The following VIT variants were observed in gnomAD, a reference collection of about 807,000 sequenced individuals.
VIT encodes vitrin.
In VIT, 99 loss-of-function variants were observed where a neutral mutation model predicts 78.0. The observed-to-expected ratio is 1.27, with a 90% CI of 1.08 to 1.50. The LOEUF (loss-of-function observed/expected upper bound fraction) is 1.50, where lower values mean the gene tolerates loss of function less well. Among genes scored for constraint, VIT ranks in the 40% most tolerant of loss-of-function variants. The pLI is 0.00. For missense variants in VIT, 1,126 were observed against 875.3 expected (o/e 1.29, Z -3.61); for synonymous variants, 374 against 334.3 (o/e 1.12, Z -1.29).
intron 14 of VIT, among the ~76,000 whole-genome samples, chr2:36,807,184 G>A (rs1666792847): frequency 6.6e-6 from 1 of 152,104 alleles, no homozygotes; most frequent in Admixed American, 6.5e-5. Flanking sequence ...GGTTAGTTTA[G>A]ATTTCACAAT....
chr2:36,791,328 G>A lies in VIT; in HGVS notation c.1058+4052G>A, dbSNP rs74484729. Among the ~76,000 whole-genome samples the A allele has an allele frequency of 1.3e-3, 195 of 152,292 alleles. 1 individual carries two copies. Among genetic ancestry groups the A allele is most frequent in the African/African-American group, 4.5e-3 (187 of 41,558 alleles). ...CTGGGCAGAGCAGCTTCCATAGGTC[G>A]GCTGAGCCACCTAATGCAGGACAGT... On this transcript the variant is annotated intron_variant, in intron 12 of 15. Transcript: ENST00000379242.
At chr2:36,725,549 AAT>A (rs1337754257) in intron 2 of VIT, among the ~76,000 whole-genome samples, 1 of 122,418 alleles carries the variant, frequency 8.2e-6, no homozygotes, top group East Asian at 2.6e-4. Flanking sequence ...TCCACTTTCT[AAT>A]ATCATCACAC....
chr2:36,747,573 T>C (rs1346418691), intron 4 of VIT, among the ~76,000 whole-genome samples: 1 of 152,110 alleles, frequency 6.6e-6, no homozygotes, highest in Non-Finnish European at 1.5e-5. Flanking sequence ...CTGTTGTTGG[T>C]TTAAAATCTG....
At chr2:36,803,161 A>T (rs761083105) in intron 13 of VIT, among the ~76,000 whole-genome samples, 2 of 152,044 alleles carry the variant, frequency 1.3e-5, no homozygotes, top group Non-Finnish European at 2.9e-5. Context: ...GCCGCCCCAA[A>T]CCACTGCAGC....
At chr2:36,706,308 A>G (rs1207876450) in intron 1 of VIT, among the ~76,000 whole-genome samples, 1 of 152,212 alleles carries the variant, frequency 6.6e-6, no homozygotes, top group Non-Finnish European at 1.5e-5. Flanking sequence ...TCAGGGGAAC[A>G]GGACATAACT....
intron 5 of VIT, among the ~76,000 whole-genome samples, chr2:36,755,723 G>T (rs1668719910): frequency 6.6e-6 from 1 of 152,056 alleles, no homozygotes; most frequent in Admixed American, 6.6e-5. Context: ...TTCTAATTCT[G>T]TCATTCCTTC....
intron 6 of VIT, among the ~76,000 whole-genome samples, chr2:36,762,590 A>G (rs1669191537): frequency 6.6e-6 from 1 of 152,190 alleles, no homozygotes; most frequent in Non-Finnish European, 1.5e-5. Context: ...CAAATAAAAA[A>G]TTTCAATGAG....
chr2:36,810,058 G>A (rs1213168594), intron 15 of VIT, among the ~76,000 whole-genome samples: 1 of 150,770 alleles, frequency 6.6e-6, no homozygotes, highest in Non-Finnish European at 1.5e-5. Flanking sequence ...TTGGGAGGCT[G>A]AGGCGGGCGG....
At chr2:36,722,562 T>C (rs1666579783) in intron 2 of VIT, among the ~76,000 whole-genome samples, 1 of 152,246 alleles carries the variant, frequency 6.6e-6, no homozygotes, top group African/African-American at 2.4e-5. Context: ...AAACCTGAAC[T>C]ATGTTTAAAG....
intron 5 of VIT, among the ~76,000 whole-genome samples, chr2:36,757,817 T>C (rs907831112): frequency 6.6e-6 from 1 of 152,242 alleles, no homozygotes; most frequent in African/African-American, 2.4e-5. Flanking sequence ...TCATTATTCC[T>C]GTTTTGTGAA....
intron 6 of VIT, among the ~76,000 whole-genome samples, chr2:36,764,030 C>T (rs922911218): frequency 6.6e-6 from 1 of 152,266 alleles, no homozygotes; most frequent in African/African-American, 2.4e-5. Context: ...CCCTCAGGAT[C>T]TTCAGCCTTT....
chr2:36,749,679 A>G (rs1404920780), intron 4 of VIT, among the ~76,000 whole-genome samples: 1 of 152,214 alleles, frequency 6.6e-6, no homozygotes, highest in Non-Finnish European at 1.5e-5. Context: ...TGACTGCAGC[A>G]CCTGTACTCC....
At chr2:36,786,167 C>CT (rs148190765) in intron 11 of VIT, among the ~76,000 whole-genome samples, 4,038 of 143,812 alleles carry the variant, frequency 0.028, 163 homozygotes, top group African/African-American at 0.1. Context: ...TTTACTCACT[C>CT]TTTTTTTTTT....
intron 6 of VIT, chr2:36,759,640 G>C (rs1467825143): frequency 1.0e-6 from 1 of 989,608 alleles, no homozygotes; most frequent in East Asian, 1.1e-4. Context: ...GAGGTGTTTT[G>C]ATTTCCCACA....
chr2:36,735,399 G>A (rs1667452698), intron 3 of VIT, among the ~76,000 whole-genome samples: 1 of 152,128 alleles, frequency 6.6e-6, no homozygotes, highest in Non-Finnish European at 1.5e-5. Flanking sequence ...AATTAAGTCT[G>A]ACTCCAAACT....
intron 12 of VIT, among the ~76,000 whole-genome samples, chr2:36,799,266 G>A (rs1666137968): frequency 6.6e-6 from 1 of 152,198 alleles, no homozygotes; most frequent in Non-Finnish European, 1.5e-5. Flanking sequence ...AGGTCCTGGT[G>A]ACTGGTTTCC....
At position 36,759,345 on chromosome 2, in the gene VIT, C is replaced by T; in HGVS notation, c.487+299C>T. On this transcript the variant is annotated intron_variant, in intron 6 of 15. Transcript: ENST00000379242. ...AATGTATTGTTGCTTTAGAAAATGACATGACATTCTGTCCGGAAATGTTTC... is the reference window on the plus strand; with the variant it reads ...AATGTATTGTTGCTTTAGAAAATGATATGACATTCTGTCCGGAAATGTTTC... The T allele has an allele frequency of 3.5e-6, 5 of 1,421,548 alleles. No homozygotes were observed. The South Asian group carries it at 6.1e-5, about 17-fold the overall frequency. The allele number at this position is 1,421,548 out of a possible 1,614,324, so 88.1% of individuals were successfully genotyped here.
intron 12 of VIT, among the ~76,000 whole-genome samples, chr2:36,790,028 A>G (rs1237328595): frequency 6.6e-6 from 1 of 152,180 alleles, no homozygotes; most frequent in African/African-American, 2.4e-5. Flanking sequence ...CAGAATTTAG[A>G]CTTATAAATT....
At chr2:36,730,299 A>C (rs1667115523) in intron 3 of VIT, among the ~76,000 whole-genome samples, 1 of 151,412 alleles carries the variant, frequency 6.6e-6, no homozygotes, top group Non-Finnish European at 1.5e-5. Flanking sequence ...AAAAAAAAAA[A>C]CAGGGGGAAA....
Sources: gnomAD v4.1 joint callset for allele counts (sites outside exome capture counted in the v4.1 genomes callset) on GRCh38, gnomAD v4.1.1 for gene constraint, MANE v1.5 for transcripts, NCBI Gene and HGNC (gene_info 2026-07-23, HGNC 2026-07-21) for gene names.